Variants in TEX11 observed in about 807,000 individuals in gnomAD.
TEX11 encodes testis-expressed protein 11.
TEX11 carries 7 observed loss-of-function variants against 84.4 expected under a neutral mutation model. That is an observed-to-expected ratio of 0.08 (90% CI 0.05 to 0.16). The LOEUF is 0.16. Ranked by LOEUF, TEX11 falls within the 10% of genes least tolerant of loss-of-function variation. TEX11 has a pLI of 1.00. For missense variants in TEX11, 551 were observed against 660.5 expected (o/e 0.83, Z 1.82); for synonymous variants, 264 against 222.8 (o/e 1.18, Z -1.64).
intron 11 of TEX11, among the ~76,000 whole-genome samples, chrX:70,739,413 CTT>C (rs35219972): frequency 1.2e-3 from 91 of 75,098 alleles, no homozygotes; most frequent in African/African-American, 2.2e-3. Context: ...TATTTCATTT[CTT>C]TTTTTTTTTT....
intron 13 of TEX11, among the ~76,000 whole-genome samples, chrX:70,692,802 C>T (rs1287793463): frequency 1.8e-5 from 2 of 111,048 alleles, no homozygotes; most frequent in African/African-American, 6.6e-5. Flanking sequence ...ATATCTCTTT[C>T]AGATCCTACT....
chrX:70,772,344 G>A (rs2090976684), intron 9 of TEX11, among the ~76,000 whole-genome samples: 2 of 111,863 alleles, frequency 1.8e-5, no homozygotes, highest in African/African-American at 6.5e-5. Flanking sequence ...GGAGGCTGTG[G>A]TGGGAGGATC....
intron 16 of TEX11, among the ~76,000 whole-genome samples, chrX:70,654,618 T>C (rs777782885): frequency 4.0e-5 from 4 of 100,896 alleles, no homozygotes; most frequent in Non-Finnish European, 7.9e-5. Context: ...GGCTGAGGCA[T>C]GAGAATCACT....
At position 70,640,564 on chromosome X, in the gene TEX11, G is replaced by A. The variant is rs781358296; in HGVS notation, c.1484-10829C>T. ...AAGGGAAGCCCATCAGACTAACAGC[G>A]GATCTCTCGGCAGAAACCCTACAAG... On this transcript the variant is annotated intron_variant, in intron 17 of 29. Transcript: ENST00000374333. 4.0e-4 allele frequency among the ~76,000 whole-genome samples: 44 copies of A among 110,693 alleles called. 1 individual carries two copies. Among genetic ancestry groups the A allele is most frequent in the Admixed American group, 3.4e-3 (35 of 10,388 alleles).
At chrX:70,885,686 G>T (rs919064492) in intron 2 of TEX11, among the ~76,000 whole-genome samples, 19 of 110,581 alleles carry the variant, frequency 1.7e-4, no homozygotes, top group Non-Finnish European at 2.8e-4. Flanking sequence ...GAGGTCAGGA[G>T]TTCGAGACCA....
chrX:70,815,123 G>A (rs2091278999), intron 8 of TEX11, among the ~76,000 whole-genome samples: 1 of 111,683 alleles, frequency 9.0e-6, no homozygotes, highest in Non-Finnish European at 1.9e-5. Flanking sequence ...CACAACTAGC[G>A]ATACTAATGA....
intron 9 of TEX11, among the ~76,000 whole-genome samples, chrX:70,744,530 AGGTAT>A (rs1217535789): frequency 1.2e-3 from 134 of 109,051 alleles, no homozygotes; most frequent in Non-Finnish European, 2.2e-3. Context: ...TGCACTAAAT[AGGTAT>A]AATTTAATAT....
rs1169707708 is a variant in TEX11, at chrX:70,750,933, A to AATATATATAT, written c.693-6724_693-6715dup. Among the ~76,000 whole-genome samples, 92 of 28,172 alleles carry AATATATATAT rather than the reference A, an allele frequency of 3.3e-3. 3 individuals carry two copies. The highest frequency in any genetic ancestry group is 0.047 in the Middle Eastern group (2 of 43). 24.5% of individuals were successfully genotyped at this position (28,172 alleles called of 115,157 possible). A position where few individuals can be genotyped will look rare whatever the true frequency, so the allele number is the denominator to read the frequency against. On this transcript the variant is annotated intron_variant, in intron 9 of 29. Transcript: ENST00000374333. The stretch of plus-strand genomic sequence containing the variant: ...ACTTAAAGTATAATAAAAAAAAAAA[A>AATATATATAT]ATATATATATATATATATATATATA...
intron 2 of TEX11, among the ~76,000 whole-genome samples, chrX:70,885,690 G>C (rs1430412756): frequency 9.1e-6 from 1 of 110,269 alleles, no homozygotes; most frequent in Admixed American, 9.7e-5. Context: ...TCAGGAGTTC[G>C]AGACCAGCCT....
At chrX:70,840,524 C>T (rs1439408180) in intron 7 of TEX11, among the ~76,000 whole-genome samples, 1 of 111,333 alleles carries the variant, frequency 9.0e-6, no homozygotes, top group Non-Finnish European at 1.9e-5. Flanking sequence ...ACTGCAAAAA[C>T]ATACCAAATT....
At position 70,565,251 on chromosome X, in the gene TEX11, T is replaced by G. The variant is rs1488302457; in HGVS notation, c.2141-10451A>C. Among the ~76,000 whole-genome samples the G allele has an allele frequency of 2.5e-4, 18 of 70,825 alleles. No homozygotes were observed. In the South Asian group the frequency reaches 3.7e-3, roughly 15 times the overall value. 61.5% of individuals were successfully genotyped at this position (70,825 alleles called of 115,157 possible). A position where few individuals can be genotyped will look rare whatever the true frequency, so the allele number is the denominator to read the frequency against. On this transcript the variant is annotated intron_variant, in intron 25 of 29. Transcript: ENST00000374333. ...GTCCTTCACCCACTTTTTGATGGGG[T>G]TTTTTTTTTTCTTGTAAATTTGTTT...
At chrX:70,779,367 A>C (rs1288084345) in intron 9 of TEX11, among the ~76,000 whole-genome samples, 1 of 101,268 alleles carries the variant, frequency 9.9e-6, no homozygotes, top group Non-Finnish European at 2.0e-5. Context: ...GTGAGCTGAG[A>C]TCATGCCACT....
chrX:70,671,972 A>AT (rs2147639179), intron 15 of TEX11, among the ~76,000 whole-genome samples: 1 of 102,029 alleles, frequency 9.8e-6, no homozygotes, highest in South Asian at 4.7e-4. Flanking sequence ...CATCACAACC[A>AT]TTTTTTCTTT....
intron 24 of TEX11, among the ~76,000 whole-genome samples, chrX:70,595,080 T>C: frequency 9.0e-6 from 1 of 111,559 alleles, no homozygotes; most frequent in Admixed American, 9.5e-5. Flanking sequence ...TACTTTCTTC[T>C]CTAAGTTTCT....
rs181416730 is a variant in TEX11 at position 70,747,967 on chromosome X, A to T, written c.693-3748T>A. Among the ~76,000 whole-genome samples, 542 of 110,453 alleles carry T rather than the reference A, an allele frequency of 4.9e-3. 4 individuals are homozygous for T. The highest frequency in any genetic ancestry group is 0.017 in the African/African-American group (516 of 30,478). On this transcript the variant is annotated intron_variant, in intron 9 of 29. Coordinates refer to ENST00000374333, the MANE Select transcript of TEX11 (RefSeq NM_031276.3). ...AAAAGTACAATAACTGAAATGAAAA[A>T]TTCAGCAGATTGGAGCAGGCAAAAG...
At chrX:70,747,141 A>G (rs1189410793) in intron 9 of TEX11, among the ~76,000 whole-genome samples, 1 of 111,953 alleles carries the variant, frequency 8.9e-6, no homozygotes, top group Non-Finnish European at 1.9e-5. Flanking sequence ...AAGAATCTAC[A>G]AGCTATTAGT....
intron 25 of TEX11, among the ~76,000 whole-genome samples, chrX:70,565,764 T>A (rs987318304): frequency 9.0e-6 from 1 of 111,085 alleles, no homozygotes; most frequent in African/African-American, 3.3e-5. Flanking sequence ...TTGATCTATA[T>A]CTCTGTTTTG....
intron 13 of TEX11, among the ~76,000 whole-genome samples, chrX:70,719,030 C>T (rs1384807262): frequency 1.8e-5 from 2 of 111,557 alleles, no homozygotes. Context: ...TCCAGGGCAA[C>T]CCAACCTGTG....
chrX:70,785,826 C>G (rs1429957375), intron 9 of TEX11, among the ~76,000 whole-genome samples: 2 of 111,906 alleles, frequency 1.8e-5, no homozygotes, highest in Non-Finnish European at 3.8e-5. Context: ...ACAACAGGTG[C>G]TGGTAAGGTT....
Sources: allele counts gnomAD v4.1 joint callset (sites outside exome capture counted in the v4.1 genomes callset), GRCh38; gene constraint gnomAD v4.1.1; transcripts MANE v1.5; gene names NCBI Gene and HGNC (gene_info 2026-07-23, HGNC 2026-07-21).